CALCRL: variants seen among roughly 807,000 people sequenced by gnomAD.
CALCRL encodes calcitonin gene-related peptide type 1 receptor.
CALCRL carries 27 observed loss-of-function variants against 60.4 expected under a neutral mutation model. The ratio of observed to expected loss-of-function variants is 0.45; its 90% confidence interval spans 0.33 to 0.62. CALCRL has a LOEUF of 0.62. CALCRL is among the 20% of genes least tolerant of loss of function. The probability of loss-of-function intolerance (pLI) is 0.03; values close to 1 mark genes in which losing one functional copy is unlikely to be tolerated. For synonymous variants in CALCRL, 190 were observed against 182.6 expected, an observed-to-expected ratio of 1.04 and a Z score of -0.33; for missense variants, 424 against 540.7, an observed-to-expected ratio of 0.78 and a Z score of 2.14.
intron 1 of CALCRL, among the ~76,000 whole-genome samples, chr2:187,429,871 G>GTTATAAT (rs67751580): frequency 0.32 from 49,006 of 151,530 alleles, 8,196 homozygotes; most frequent in African/African-American, 0.4. Flanking sequence ...TCTCAAACAT[G>GTTATAAT]TTATAAGTTG....
intron 1 of CALCRL, among the ~76,000 whole-genome samples, chr2:187,404,449 T>C (rs2105831820): frequency 6.6e-6 from 1 of 151,502 alleles, no homozygotes; most frequent in South Asian, 2.1e-4. Context: ...TCAAATCATC[T>C]AAAAAATTAA....
At chr2:187,419,941 T>C (rs1295589683) in intron 1 of CALCRL, among the ~76,000 whole-genome samples, 1 of 152,200 alleles carries the variant, frequency 6.6e-6, no homozygotes, top group Non-Finnish European at 1.5e-5. Context: ...TATGCTAATC[T>C]TTGTGGAAGC....
intron 8 of CALCRL, 39 bp from the exon 9 acceptor site, chr2:187,363,541 A>G: frequency 6.5e-7 from 1 of 1,527,970 alleles, no homozygotes; most frequent in Non-Finnish European, 8.8e-7. Context: ...ACATCATGAA[A>G]TGTTTTTTTA....
intron 1 of CALCRL, chr2:187,415,486 C>T (rs1247104223): frequency 3.2e-6 from 1 of 309,162 alleles, no homozygotes; most frequent in Non-Finnish European, 6.2e-6. Flanking sequence ...CTGAAGTGTA[C>T]TTAATAATAT....
Position 187,343,186 on chromosome 2 carries a change from T to A in CALCRL, c.*2998A>T, listed in dbSNP as rs1037392306. 5 of 151,514 alleles carry A rather than the reference T, an allele frequency of 3.3e-5. No individual in the cohort carries two copies. The highest frequency in any genetic ancestry group is 1.2e-4 in the African/African-American group (5 of 41,414). The allele number at this position is 151,514 out of a possible 1,614,324, so 9.4% of individuals were successfully genotyped here. ...AAGACTTTAAAGAGGGCAAAAGATATATTTTGTTAAGAGATTTGTTAATTT... is the reference window on the plus strand; with the variant it reads ...AAGACTTTAAAGAGGGCAAAAGATAAATTTTGTTAAGAGATTTGTTAATTT... On this transcript the variant is annotated 3_prime_UTR_variant, in exon 15 of 15. Transcript: ENST00000392370.
At chr2:187,426,536 C>T (rs775828227) in intron 1 of CALCRL, among the ~76,000 whole-genome samples, 8 of 152,140 alleles carry the variant, frequency 5.3e-5, no homozygotes, top group South Asian at 2.1e-4. Flanking sequence ...CGAATCTATA[C>T]ATTACCTATT....
chr2:187,352,351 G>A lies in CALCRL; in HGVS notation c.910-19C>T, dbSNP rs1422093037. 7.1e-7 allele frequency: 1 copy of A among 1,405,812 alleles called. No individual in the cohort carries two copies. 87.1% of individuals were successfully genotyped at this position (1,405,812 alleles called of 1,614,324 possible). A position where few individuals can be genotyped will look rare whatever the true frequency, so the allele number is the denominator to read the frequency against. ...GATTCACCTAAAAACGAAATTAAAT[G>A]GCATCTGAAAATCATTTCATATTTA... is the stretch of plus-strand genomic sequence containing the variant. On this transcript the variant is annotated intron_variant, in intron 12 of 14. Transcript: ENST00000392370.
rs996080639 is a variant in CALCRL, at chr2:187,380,727, G to A, written c.245C>T (p.Thr82Ile). 1 of 1,614,062 alleles carries A rather than the reference G, an allele frequency of 6.2e-7. No homozygotes were observed. The highest frequency in any genetic ancestry group is 8.5e-7 in the Non-Finnish European group (1 of 1,179,978). The change falls in exon 6 of 15, where the codon ACT becomes ATT. Residue 82 changes from threonine to isoleucine, a missense_variant. Physicochemically the swap from Thr to Ile is moderately conservative, Grantham distance 89. Transcript: ENST00000392370. ...WLCWNDVAAG[T>I]ESMQLCPDYF... Reference sequence around the variant, plus strand: ...ATCAGGGCAGAGCTGCATTGATTCAGTTCCTGCTGCAACATCGTTCCAGCA... The same window carrying A: ...ATCAGGGCAGAGCTGCATTGATTCAATTCCTGCTGCAACATCGTTCCAGCA...
At position 187,360,757 on chromosome 2, in the gene CALCRL, AG is replaced by A. The variant is rs770891291; in HGVS notation, c.628-7del. 3.1e-6 allele frequency: 5 copies of A among 1,588,938 alleles called. No individual in the cohort carries two copies. Among genetic ancestry groups the A allele is most frequent in the East Asian group, 2.2e-5 (1 of 44,720 alleles). ...TGGGACACTTTGCAACTAACCTGTGAGGAAAAAAAAAACCCCAATATTTACT... is the reference window on the plus strand; with the variant it reads ...TGGGACACTTTGCAACTAACCTGTGAGAAAAAAAAAACCCCAATATTTACT... On this transcript the variant is annotated splice_polypyrimidine_tract_variant and splice_region_variant and intron_variant, in intron 9 of 14. Transcript: ENST00000392370.
At chr2:187,379,543 TGG>T (rs1687904424) in intron 7 of CALCRL, among the ~76,000 whole-genome samples, 1 of 152,130 alleles carries the variant, frequency 6.6e-6, no homozygotes, top group Non-Finnish European at 1.5e-5. Flanking sequence ...TTCTTTCTCA[TGG>T]TTTTCACTTT....
Position 187,385,749 on chromosome 2 carries a change from A to T in CALCRL, c.-36-118T>A, listed in dbSNP as rs183022409. 2.4e-4 allele frequency: 152 copies of T among 639,480 alleles called. No homozygotes were observed. The East Asian group carries it at 4.5e-3, about 19-fold the overall frequency. The allele number at this position is 639,480 out of a possible 1,614,324, so 39.6% of individuals were successfully genotyped here. A position where few individuals can be genotyped will look rare whatever the true frequency, so the allele number is the denominator to read the frequency against. ...ATAATTCAATAATTTTACTTTAAAG[A>T]TTTGATAAATCATTTTTTTTAAGAC... On this transcript the variant is annotated intron_variant, in intron 3 of 14. Coordinates refer to ENST00000392370, the MANE Select transcript of CALCRL (RefSeq NM_005795.6).
At chr2:187,373,852 A>G (rs370261758) in intron 8 of CALCRL, among the ~76,000 whole-genome samples, 5 of 152,286 alleles carry the variant, frequency 3.3e-5, no homozygotes, top group South Asian at 4.1e-4. Flanking sequence ...TTTGAGACCA[A>G]TACTGCCTGT....
intron 8 of CALCRL, among the ~76,000 whole-genome samples, chr2:187,374,576 TGAGTTA>T (rs1349485361): frequency 1.3e-5 from 2 of 152,174 alleles, no homozygotes; most frequent in African/African-American, 4.8e-5. Flanking sequence ...TCAGATTCTA[TGAGTTA>T]GAATGGTTCT....
chr2:187,374,237 A>T (rs1371778777), intron 8 of CALCRL, among the ~76,000 whole-genome samples: 1 of 152,134 alleles, frequency 6.6e-6, no homozygotes, highest in Non-Finnish European at 1.5e-5. Flanking sequence ...GAAAGTATTT[A>T]AAATGCTATA....
intron 1 of CALCRL, among the ~76,000 whole-genome samples, chr2:187,446,464 A>G (rs1023930835): frequency 8.6e-5 from 13 of 151,892 alleles, no homozygotes; most frequent in Admixed American, 6.6e-4. Flanking sequence ...ATACAAGAAA[A>G]TTATGGGTTT....
intron 1 of CALCRL, among the ~76,000 whole-genome samples, chr2:187,392,619 C>T (rs913248130): frequency 2.6e-5 from 4 of 152,142 alleles, no homozygotes; most frequent in Non-Finnish European, 5.9e-5. Flanking sequence ...TTATTTTTCT[C>T]ACTGCTTATT....
intron 1 of CALCRL, among the ~76,000 whole-genome samples, chr2:187,407,753 T>G (rs757574249): frequency 5.3e-5 from 8 of 152,070 alleles, no homozygotes; most frequent in Non-Finnish European, 1.2e-4. Context: ...AGTACATATT[T>G]AGGTAACATA....
At chr2:187,392,727 G>T (rs1688500709) in intron 1 of CALCRL, among the ~76,000 whole-genome samples, 1 of 151,864 alleles carries the variant, frequency 6.6e-6, no homozygotes, top group African/African-American at 2.4e-5. Flanking sequence ...TTTTTTTAGA[G>T]ACAGGATGTC....
intron 12 of CALCRL, among the ~76,000 whole-genome samples, chr2:187,356,325 A>G (rs764734840): frequency 4.6e-5 from 7 of 152,216 alleles, no homozygotes; most frequent in Admixed American, 2.0e-4. Context: ...CCAATTAAAC[A>G]GAACAGAGGC....
Sources: allele counts gnomAD v4.1 joint callset (sites outside exome capture counted in the v4.1 genomes callset), GRCh38; gene constraint gnomAD v4.1.1; transcripts MANE v1.5; gene names NCBI Gene and HGNC (gene_info 2026-07-23, HGNC 2026-07-21).